NIN: variants seen among roughly 807,000 people sequenced by gnomAD.
NIN encodes the protein glycogen synthase kinase 3 beta-interacting protein.
NIN carries 137 observed loss-of-function variants against 257.6 expected under a neutral mutation model. The observed-to-expected ratio is 0.53, with a 90% confidence interval of 0.46 to 0.61. NIN has a LOEUF of 0.61. Ranked by LOEUF, NIN falls within the 20% of genes least tolerant of loss-of-function variation. The pLI is 0.00. For missense variants in NIN, 2,439 were observed against 2,501.2 expected, an observed-to-expected ratio of 0.98 and a Z score of 0.53; for synonymous variants, 918 against 919.8, an observed-to-expected ratio of 1.00 and a Z score of 0.04.
chr14:50,788,316 T>C (rs2043432698), intron 5 of NIN, among the ~76,000 whole-genome samples: 1 of 152,188 alleles, frequency 6.6e-6, no homozygotes, highest in African/African-American at 2.4e-5. Context: ...TCCAAGTCGC[T>C]TGTAAGTAAT....
intron 16 of NIN, 88 bp from the exon 17 acceptor site, chr14:50,760,447 T>A: frequency 7.6e-7 from 1 of 1,324,068 alleles, no homozygotes; most frequent in Non-Finnish European, 1.0e-6. Flanking sequence ...CTTTTTTTTT[T>A]TTTTTTTTTT....
At chr14:50,750,101 C>T (rs981621140) in intron 21 of NIN, among the ~76,000 whole-genome samples, 1 of 151,802 alleles carries the variant, frequency 6.6e-6, no homozygotes, top group African/African-American at 2.4e-5. Flanking sequence ...GGACACAGGC[C>T]CTTTTGACAT....
intron 27 of NIN, among the ~76,000 whole-genome samples, chr14:50,737,751 TCTC>T (rs959517899): frequency 6.6e-6 from 1 of 151,378 alleles, no homozygotes; most frequent in African/African-American, 2.4e-5. Context: ...TTCCAGCAAT[TCTC>T]CTGCCTCAGC....
chr14:50,793,370 T>G, intron 4 of NIN, among the ~76,000 whole-genome samples: 1 of 151,760 alleles, frequency 6.6e-6, no homozygotes, highest in African/African-American at 2.4e-5. Context: ...CTGTTAACCA[T>G]TCCACTCTCT....
Position 50,818,301 on chromosome 14 carries a change from C to A in NIN, c.183+3573G>T, listed in dbSNP as rs530448323. Among the ~76,000 whole-genome samples, 4 of 115,662 alleles carry A rather than the reference C, an allele frequency of 3.5e-5. No individual in the cohort carries two copies. The South Asian group carries it at 9.5e-4, about 27-fold the overall frequency. The allele number at this position is 115,662 out of a possible 152,430, so 75.9% of individuals were successfully genotyped here. On this transcript the variant is annotated intron_variant, in intron 3 of 30. Transcript: ENST00000530997. Reference sequence around the variant, plus strand: ...TTATGCCACTACACTCCAGCCTGGGCGACGGCGAGACTCTGTCAAAAAAAA... The same window carrying A: ...TTATGCCACTACACTCCAGCCTGGGAGACGGCGAGACTCTGTCAAAAAAAA...
chr14:50,794,384 T>C (rs72683630), intron 4 of NIN: 62,468 of 403,932 alleles, frequency 0.15, 5,157 homozygotes, highest in African/African-American at 0.22. Flanking sequence ...TTACAGGAAG[T>C]GTTTAAGCAT....
At position 50,743,605 on chromosome 14, in the gene NIN, T is replaced by TA. The variant is rs1456945992; in HGVS notation, c.5188-77dup. 7.4e-6 allele frequency: 6 copies of TA among 816,186 alleles called. No homozygotes were observed. In the Admixed American group the frequency reaches 1.1e-4, roughly 16 times the overall value. 50.6% of individuals were successfully genotyped at this position (816,186 alleles called of 1,614,324 possible). Reference sequence around the variant, plus strand: ...TAGCCTTAATTTATATGCCTGCACTTACATTGTCAAGAACAAGTACCATCT... The same window carrying TA: ...TAGCCTTAATTTATATGCCTGCACTTAACATTGTCAAGAACAAGTACCATCT... On this transcript the variant is annotated intron_variant, in intron 23 of 30. Transcript: ENST00000530997.
chr14:50,798,445 A>T (rs1436383855), intron 4 of NIN, among the ~76,000 whole-genome samples: 1 of 151,140 alleles, frequency 6.6e-6, no homozygotes, highest in East Asian at 1.9e-4. Flanking sequence ...CTGGTGGATG[A>T]GTGTGGCAAG....
intron 28 of NIN, among the ~76,000 whole-genome samples, chr14:50,731,936 T>C (rs1224952816): frequency 1.3e-5 from 2 of 152,208 alleles, no homozygotes; most frequent in African/African-American, 2.4e-5. Context: ...GCCATTTTGT[T>C]GTTTAAGTGT....
intron 20 of NIN, among the ~76,000 whole-genome samples, chr14:50,753,346 G>A (rs2041879162): frequency 6.6e-6 from 1 of 152,220 alleles, no homozygotes; most frequent in Admixed American, 6.5e-5. Flanking sequence ...GTTGCAGTGA[G>A]CTGAGATTGC....
chr14:50,739,397 C>T lies in NIN; in HGVS notation c.5539G>A (p.Glu1847Lys). The T allele has an allele frequency of 6.2e-7, 1 of 1,614,240 alleles. No individual in the cohort carries two copies. The highest frequency in any genetic ancestry group is 1.1e-5 in the South Asian group (1 of 91,090). Residue 1847 changes from glutamate (E) to lysine (K), a missense_variant, in exon 26 of 31, where the codon GAG becomes AAG. Glu to Lys is a moderately conservative substitution (Grantham distance 56). Transcript: ENST00000530997. ...SWDKLDHLMN[E>K]EQQLLWQENE... ...TCTTGCCAAAGCAGCTGCTGTTCCT[C>T]ATTCATCAGATGATCCAACTTGTCC...
intron 28 of NIN, among the ~76,000 whole-genome samples, chr14:50,733,117 G>A (rs957634904): frequency 8.6e-5 from 13 of 151,294 alleles, no homozygotes; most frequent in Non-Finnish European, 1.5e-4. Context: ...TTTTGAGATG[G>A]AGTCTTGCTC....
At chr14:50,731,033 G>A (rs552825281) in intron 28 of NIN, 1 of 914,034 alleles carries the variant, frequency 1.1e-6, no homozygotes, top group East Asian at 5.3e-5. Flanking sequence ...AAAATTACAG[G>A]AGTTAGAGAA....
At chr14:50,773,779 C>T (rs1448030890) in intron 7 of NIN, among the ~76,000 whole-genome samples, 2 of 152,204 alleles carry the variant, frequency 1.3e-5, no homozygotes, top group Non-Finnish European at 2.9e-5. Context: ...AGTCCGCACC[C>T]TCTGATGGTA....
intron 25 of NIN, 39 bp from the exon 26 acceptor site, chr14:50,739,526 T>G: frequency 6.3e-7 from 1 of 1,588,700 alleles, no homozygotes; most frequent in Non-Finnish European, 8.6e-7. Flanking sequence ...AAAAACAAGC[T>G]ATTGGGTAAT....
intron 21 of NIN, among the ~76,000 whole-genome samples, chr14:50,751,672 G>A (rs901937595): frequency 6.6e-6 from 1 of 152,106 alleles, no homozygotes; most frequent in Non-Finnish European, 1.5e-5. Context: ...GACCACAGGT[G>A]TGTGCCACTA....
chr14:50,728,118 A>AT (rs113050788), intron 29 of NIN, among the ~76,000 whole-genome samples: 3,064 of 151,624 alleles, frequency 0.02, 94 homozygotes, highest in African/African-American at 0.069. Flanking sequence ...GGAAAAGGAT[A>AT]TTTTTTTTAA....
At chr14:50,796,788 C>T (rs907888551) in intron 4 of NIN, among the ~76,000 whole-genome samples, 1 of 152,184 alleles carries the variant, frequency 6.6e-6, no homozygotes, top group African/African-American at 2.4e-5. Context: ...GGGAGAAACA[C>T]AGCCTCCCCT....
intron 28 of NIN, among the ~76,000 whole-genome samples, chr14:50,734,449 G>A (rs1595715453): frequency 6.6e-6 from 1 of 152,096 alleles, no homozygotes; most frequent in South Asian, 2.1e-4. Context: ...CTTTTTAAGA[G>A]CACAAAAAGA....
Sources: gnomAD v4.1 joint callset for allele counts (sites outside exome capture counted in the v4.1 genomes callset) on GRCh38, gnomAD v4.1.1 for gene constraint, MANE v1.5 for transcripts, NCBI Gene and HGNC (gene_info 2026-07-23, HGNC 2026-07-21) for gene names.